Variants in PRSS3 observed in about 807,000 individuals in gnomAD.
The protein encoded by PRSS3 is serine protease 3.
In PRSS3, 14 loss-of-function variants were observed where a neutral mutation model predicts 20.8. That is an observed-to-expected ratio of 0.67 (90% CI 0.44 to 1.05). The LOEUF (loss-of-function observed/expected upper bound fraction) is 1.05, where lower values mean the gene tolerates loss of function less well. Among genes scored for constraint, PRSS3 ranks in the 50% least tolerant of loss-of-function variants. The pLI is 0.00. For missense variants in PRSS3, 237 were observed against 306.4 expected (o/e 0.77, Z 1.69); for synonymous variants, 91 against 117.6 (o/e 0.77, Z 1.46).
At chr9:33,798,821 G>T in intron 4 of PRSS3, 199 bp downstream of exon 4, 1 of 1,063,328 alleles carries the variant, frequency 9.4e-7, no homozygotes, top group Non-Finnish European at 1.4e-6. Context: ...GGCTGAGGAG[G>T]CTCCCTGCAG....
intron 1 of PRSS3, among the ~76,000 whole-genome samples, chr9:33,768,930 A>T (rs1426131497): frequency 6.6e-6 from 1 of 152,230 alleles, no homozygotes; most frequent in Admixed American, 6.5e-5. Flanking sequence ...CATCAGGAAC[A>T]GCATGTTGGT....
At chr9:33,772,559 T>A (rs1195564923) in intron 1 of PRSS3, among the ~76,000 whole-genome samples, 2 of 152,240 alleles carry the variant, frequency 1.3e-5, no homozygotes, top group Non-Finnish European at 2.9e-5. Context: ...AATTTTATTT[T>A]ATTTTAATTT....
At position 33,785,160 on chromosome 9, in the gene PRSS3, A is replaced by ATTTTTTTTTTTTTTTTT. The variant is rs74180504; in HGVS notation, c.-52-9567_-52-9551dup. ...GAAAAAGATCATAGCATTGTGGTCA[A>ATTTTTTTTTTTTTTTTT]TTTTTTTTTTTTTTTTTTTTTTTTT... On this transcript the variant is annotated intron_variant, in intron 1 of 5. Transcript: ENST00000342836. 6.2e-4 allele frequency among the ~76,000 whole-genome samples: 45 copies of ATTTTTTTTTTTTTTTTT among 72,492 alleles called. 4 individuals carry two copies. The highest frequency in any genetic ancestry group is 1.5e-3 in the South Asian group (2 of 1,378). 47.6% of individuals were successfully genotyped at this position (72,492 alleles called of 152,430 possible).
intron 1 of PRSS3, among the ~76,000 whole-genome samples, chr9:33,769,096 G>T (rs1358437504): frequency 6.6e-6 from 1 of 152,170 alleles, no homozygotes; most frequent in Non-Finnish European, 1.5e-5. Flanking sequence ...ACTTATAAAT[G>T]ATGAACTTGG....
intron 1 of PRSS3, among the ~76,000 whole-genome samples, chr9:33,796,267 C>T (rs1188594470): frequency 1.3e-5 from 2 of 152,196 alleles, no homozygotes; most frequent in Admixed American, 6.5e-5. Flanking sequence ...GCCAAAGTAT[C>T]CTGACAATCC....
intron 1 of PRSS3, among the ~76,000 whole-genome samples, chr9:33,779,345 G>A (rs1053931383): frequency 5.9e-5 from 9 of 152,208 alleles, no homozygotes; most frequent in African/African-American, 1.9e-4. Flanking sequence ...CAAGTAACCC[G>A]GTAAAATGAT....
intron 1 of PRSS3, among the ~76,000 whole-genome samples, chr9:33,767,285 G>T: frequency 6.7e-6 from 1 of 150,374 alleles, no homozygotes. Context: ...GGGAGACTCT[G>T]TCTCAAAAAA....
At chr9:33,797,805 C>T (rs1825071453) in intron 2 of PRSS3, 24 bp from the exon 3 acceptor site, 2 of 1,614,244 alleles carry the variant, frequency 1.2e-6, no homozygotes, top group Middle Eastern at 1.6e-4. Flanking sequence ...AGAAGGTCTT[C>T]ACCATGCCTG....
rs182517642 is a variant in PRSS3, at chr9:33,778,582, T to C, written c.-52-16164T>C. Reference sequence around the variant, plus strand: ...AATTCAATTTTAAAACCTAAATTTATATTAAAAACAAAATATTTAAATTTA... The same window carrying C: ...AATTCAATTTTAAAACCTAAATTTACATTAAAAACAAAATATTTAAATTTA... On this transcript the variant is annotated intron_variant, in intron 1 of 5. Coordinates refer to the PRSS3 transcript ENST00000342836. Among the ~76,000 whole-genome samples, 715 of 152,332 alleles carry C rather than the reference T, an allele frequency of 4.7e-3. 2 individuals carry two copies. Among genetic ancestry groups the C allele is most frequent in the Non-Finnish European group, 7.9e-3 (539 of 68,036 alleles).
Position 33,796,686 on chromosome 9 carries a change from C to T in PRSS3, c.84C>T (p.Tyr28=). ...FDDDDKIVGG[Y]TCEENSLPYQ... ...ATGATGACAAGATTGTTGGGGGCTA[C>T]ACCTGTGAGGAGAATTCTCTCCCCT... The change falls in exon 2 of 5, where the codon TAC becomes TAT. Residue 28 remains tyrosine, a synonymous_variant. Coordinates refer to ENST00000379405, the MANE Select transcript of PRSS3 (RefSeq NM_002771.4). 1 of 1,610,666 alleles carries T rather than the reference C, an allele frequency of 6.2e-7. No homozygotes were observed. Among genetic ancestry groups the T allele is most frequent in the Non-Finnish European group, 8.5e-7 (1 of 1,178,106 alleles).
At chr9:33,774,514 A>T (rs1823836102) in intron 1 of PRSS3, among the ~76,000 whole-genome samples, 1 of 152,190 alleles carries the variant, frequency 6.6e-6, no homozygotes, top group Non-Finnish European at 1.5e-5. Context: ...GAGAAAAATG[A>T]GGCAGGGCAG....
chr9:33,798,383 C>T (rs1825127766), intron 3 of PRSS3, 103 bp from the exon 4 acceptor site: 2 of 1,543,870 alleles, frequency 1.3e-6, no homozygotes, highest in Admixed American at 1.7e-5. Context: ...GGAGTCCTCT[C>T]CAGAGGCAGT....
intron 1 of PRSS3, among the ~76,000 whole-genome samples, chr9:33,775,076 A>C (rs559171315): frequency 1.3e-4 from 19 of 150,498 alleles, no homozygotes; most frequent in African/African-American, 4.4e-4. Flanking sequence ...AAAAAAAAGC[A>C]ACAACCAACC....
chr9:33,795,395 C>CAA, upstream of PRSS3: 1 of 812,218 alleles, frequency 1.2e-6, no homozygotes, highest in Non-Finnish European at 2.0e-6. Flanking sequence ...CTGTGAATCA[C>CAA]AAACCCACAG....
chr9:33,755,676 C>T (rs148191819), intron 1 of PRSS3, among the ~76,000 whole-genome samples: 2 of 152,174 alleles, frequency 1.3e-5, no homozygotes, highest in South Asian at 2.1e-4. Flanking sequence ...TCTTTCCCCC[C>T]ACCCCATGGA....
At chr9:33,760,747 A>C (rs113279086) in intron 1 of PRSS3, among the ~76,000 whole-genome samples, 2 of 91,850 alleles carry the variant, frequency 2.2e-5, no homozygotes, top group African/African-American at 7.4e-5. Context: ...CTCTGTCACA[A>C]AAAAAAAAAA....
At chr9:33,788,999 C>T (rs1193957112) in intron 1 of PRSS3, among the ~76,000 whole-genome samples, 1 of 152,038 alleles carries the variant, frequency 6.6e-6, no homozygotes, top group Non-Finnish European at 1.5e-5. Context: ...CTAGAAAATC[C>T]ACTTGGGTCA....
At chr9:33,786,242 C>T (rs1587391462) in intron 1 of PRSS3, 9 of 546,254 alleles carry the variant, frequency 1.6e-5, no homozygotes, top group Non-Finnish European at 3.0e-5. Context: ...TGCTCCTTCT[C>T]CGGGGATTAG....
chr9:33,798,454 T>C, intron 3 of PRSS3, 32 bp from the exon 4 acceptor site: 1 of 1,613,484 alleles, frequency 6.2e-7, no homozygotes, highest in East Asian at 2.2e-5. Flanking sequence ...CCCACATTTC[T>C]ACTTTCTTTG....
Sources: gnomAD v4.1 joint callset for allele counts (sites outside exome capture counted in the v4.1 genomes callset) on GRCh38, gnomAD v4.1.1 for gene constraint, MANE v1.5 for transcripts, NCBI Gene and HGNC (gene_info 2026-07-23, HGNC 2026-07-21) for gene names.